The following C7orf33 variants were observed in gnomAD, a reference collection of about 807,000 sequenced individuals.
The protein encoded by C7orf33 is uncharacterized protein C7orf33.
In C7orf33, 15 loss-of-function variants were observed where a neutral mutation model predicts 13.4. That is an observed-to-expected ratio of 1.12 (90% CI 0.75 to 1.72). The LOEUF (loss-of-function observed/expected upper bound fraction) is 1.72. C7orf33 is among the 40% of genes most tolerant of loss of function. The probability of loss-of-function intolerance (pLI) is 0.00; values close to 1 mark genes in which losing one functional copy is unlikely to be tolerated. For synonymous variants in C7orf33, 73 were observed against 83.2 expected (o/e 0.88, Z 0.67); for missense variants, 187 against 220.3 (o/e 0.85, Z 0.96).
chr7:148,607,944 C>T (rs1473801504), intron 1 of C7orf33, among the ~76,000 whole-genome samples: 1 of 152,074 alleles, frequency 6.6e-6, no homozygotes, highest in Admixed American at 6.6e-5. Context: ...ATTCTTCAGC[C>T]ACAGGTGCCC....
At position 148,599,089 on chromosome 7, in the gene C7orf33, T is replaced by C. The variant is rs57397128; in HGVS notation, c.204+7960T>C. 8.8e-3 allele frequency among the ~76,000 whole-genome samples: 1,332 copies of C among 151,788 alleles called. 18 individuals carry two copies. The highest frequency in any genetic ancestry group is 0.031 in the African/African-American group (1,272 of 41,356). ...TGTTGGCCAGGCTGGTCTCAAACTC[T>C]TGACCTCAAGTGATCCACCCACCTA... is the stretch of plus-strand genomic sequence containing the variant. On this transcript the variant is annotated intron_variant, in intron 1 of 2. Coordinates refer to ENST00000307003, the MANE Select transcript of C7orf33 (RefSeq NM_145304.4).
rs573407071 is a variant in C7orf33, at chr7:148,611,344, A to G, written c.205-2698A>G. 7.4e-4 allele frequency among the ~76,000 whole-genome samples: 112 copies of G among 152,116 alleles called. 1 individual carries two copies. The highest frequency in any genetic ancestry group is 1.4e-3 in the Non-Finnish European group (94 of 68,022). On this transcript the variant is annotated intron_variant, in intron 1 of 2. Transcript: ENST00000307003. The stretch of plus-strand genomic sequence containing the variant: ...CCCCATCCTGTACCCATATAAACCC[A>G]AGACCTTAGTGGGTACACACACAAG...
At chr7:148,605,654 C>T (rs1796464456) in intron 1 of C7orf33, among the ~76,000 whole-genome samples, 1 of 152,196 alleles carries the variant, frequency 6.6e-6, no homozygotes, top group Non-Finnish European at 1.5e-5. Context: ...TTCACCAGAA[C>T]CAGTGCAGAG....
intron 1 of C7orf33, among the ~76,000 whole-genome samples, chr7:148,600,123 C>G (rs1796395274): frequency 6.6e-6 from 1 of 152,136 alleles, no homozygotes; most frequent in African/African-American, 2.4e-5. Flanking sequence ...CTGGGTACCT[C>G]TAGCCATTTG....
chr7:148,596,316 G>C (rs374901895), intron 1 of C7orf33, among the ~76,000 whole-genome samples: 1 of 152,140 alleles, frequency 6.6e-6, no homozygotes, highest in East Asian at 1.9e-4. Flanking sequence ...ATCACCTGAA[G>C]TTTATAGTTT....
chr7:148,602,451 G>T (rs1401943844), intron 1 of C7orf33, among the ~76,000 whole-genome samples: 1 of 152,042 alleles, frequency 6.6e-6, no homozygotes, highest in Non-Finnish European at 1.5e-5. Context: ...ACAAAAACTA[G>T]CCAGGCGTGG....
rs979144468 is a variant in C7orf33 at position 148,590,791 on chromosome 7, T to A, written c.-135T>A. ...ACTTATGGTGATGCCAATCCAGTGG[T>A]CAGGAGCGAGGCGCCCAGCCTGTGT... is the stretch of plus-strand genomic sequence containing the variant. On this transcript the variant is annotated 5_prime_UTR_variant, in exon 1 of 3. Coordinates refer to ENST00000307003, the MANE Select transcript of C7orf33 (RefSeq NM_145304.4). The A allele has an allele frequency of 1.3e-6, 1 of 788,940 alleles. No individual in the cohort carries two copies. The highest frequency in any genetic ancestry group is 2.1e-6 in the Non-Finnish European group (1 of 468,282). The allele number at this position is 788,940 out of a possible 1,614,324, so 48.9% of individuals were successfully genotyped here.
intron 2 of C7orf33, among the ~76,000 whole-genome samples, 172 bp downstream of exon 2, chr7:148,614,468 C>A (rs1796580112): frequency 1.3e-5 from 2 of 152,122 alleles, no homozygotes; most frequent in Non-Finnish European, 1.5e-5. Flanking sequence ...TTTTTGCCAA[C>A]TTGATTTATG....
At chr7:148,605,935 A>G (rs1205573178) in intron 1 of C7orf33, among the ~76,000 whole-genome samples, 1 of 152,242 alleles carries the variant, frequency 6.6e-6, no homozygotes, top group Non-Finnish European at 1.5e-5. Flanking sequence ...GAACTTAAAT[A>G]GAAAACTAAC....
intron 1 of C7orf33, among the ~76,000 whole-genome samples, chr7:148,610,400 C>T (rs1435903978): frequency 6.6e-6 from 1 of 152,118 alleles, no homozygotes; most frequent in Non-Finnish European, 1.5e-5. Flanking sequence ...GGCCTAGCTT[C>T]CCAGCCTACC....
rs775454297 is a variant in C7orf33, at chr7:148,614,162, G to A, written c.325G>A (p.Ala109Thr). ...TCAAGGTCCCACGGATGCCCAGAGAGCAGTCAGAATCAGGCCAGGCACCAG... is the reference window on the plus strand; with the variant it reads ...TCAAGGTCCCACGGATGCCCAGAGAACAGTCAGAATCAGGCCAGGCACCAG... Reference protein sequence around the residue: ...LSQGPTDAQRAVRIRPGTRMG... With the variant: ...LSQGPTDAQRTVRIRPGTRMG... Residue 109 changes from alanine to threonine, a missense_variant, in exon 2 of 3, where the codon GCA (alanine) becomes ACA (threonine). Transcript: ENST00000307003. 4.0e-5 allele frequency: 65 copies of A among 1,614,094 alleles called. No homozygotes were observed. Among genetic ancestry groups the A allele is most frequent in the Middle Eastern group, 1.6e-4 (1 of 6,082 alleles).
At chr7:148,592,012 A>G (rs58041956) in intron 1 of C7orf33, among the ~76,000 whole-genome samples, 12,202 of 152,162 alleles carry the variant, frequency 0.08, 569 homozygotes, top group Middle Eastern at 0.16. Flanking sequence ...GTTTGATGGG[A>G]ACCACAGGTG....
intron 1 of C7orf33, among the ~76,000 whole-genome samples, chr7:148,607,843 T>C (rs1796491394): frequency 6.6e-6 from 1 of 152,228 alleles, no homozygotes; most frequent in African/African-American, 2.4e-5. Flanking sequence ...TGTATTCCTA[T>C]ATTCTTTCTT....
intron 1 of C7orf33, among the ~76,000 whole-genome samples, chr7:148,601,132 T>A (rs1796409195): frequency 6.6e-6 from 1 of 152,000 alleles, no homozygotes; most frequent in Non-Finnish European, 1.5e-5. Context: ...ATTCTTTGAG[T>A]TCATTTGATT....
intron 1 of C7orf33, among the ~76,000 whole-genome samples, chr7:148,604,440 T>C (rs564409981): frequency 6.6e-6 from 1 of 152,350 alleles, no homozygotes; most frequent in African/African-American, 2.4e-5. Flanking sequence ...GGATCATTAT[T>C]CTAAGTGAAG....
intron 1 of C7orf33, among the ~76,000 whole-genome samples, chr7:148,601,406 C>T (rs761694732): frequency 6.6e-6 from 1 of 151,782 alleles, no homozygotes; most frequent in Non-Finnish European, 1.5e-5. Context: ...AGTGCAGTGG[C>T]ACAATCTCGG....
At chr7:148,603,599 G>A (rs1452596574) in intron 1 of C7orf33, among the ~76,000 whole-genome samples, 4 of 152,142 alleles carry the variant, frequency 2.6e-5, no homozygotes, top group Non-Finnish European at 5.9e-5. Flanking sequence ...GTGAGAGTTT[G>A]GAAGAGGAGG....
chr7:148,596,679 G>C (rs1033883594), intron 1 of C7orf33, among the ~76,000 whole-genome samples: 1 of 152,156 alleles, frequency 6.6e-6, no homozygotes, highest in East Asian at 1.9e-4. Flanking sequence ...CTCCCACCAG[G>C]TTCCTCCCAC....
chr7:148,604,895 C>T (rs78109116), intron 1 of C7orf33, among the ~76,000 whole-genome samples: 3,784 of 152,220 alleles, frequency 0.025, 177 homozygotes, highest in African/African-American at 0.085. Context: ...ATTAAACTAG[C>T]AGCAATGTAT....
Sources: allele counts gnomAD v4.1 joint callset (sites outside exome capture counted in the v4.1 genomes callset), GRCh38; gene constraint gnomAD v4.1.1; transcripts MANE v1.5; gene names NCBI Gene and HGNC (gene_info 2026-07-23, HGNC 2026-07-21).